Variants in SORCS1 observed in about 807,000 individuals in gnomAD.
The protein encoded by SORCS1 is VPS10 domain-containing receptor SorCS1.
Under a neutral mutation model 146.1 loss-of-function variants are expected in SORCS1, and 60 were observed. The observed-to-expected ratio is 0.41, with a 90% CI of 0.33 to 0.51. SORCS1 has a LOEUF of 0.51. SORCS1 is among the 20% of genes least tolerant of loss of function. The pLI, the probability that SORCS1 is intolerant of heterozygous loss-of-function variation, is 0.21. For missense variants in SORCS1, 1,352 were observed against 1,487.6 expected (o/e 0.91, Z 1.50); for synonymous variants, 637 against 584.0 (o/e 1.09, Z -1.31).
In SORCS1 at chr10:106,857,679, C is replaced by T. The variant is rs1315284310; in HGVS notation, c.627-28006G>A. ...GTTTGGAAAATGTTTGCGAGTGAGT[C>T]GACATTTAAATAACTTCATTATCAT... On this transcript the variant is annotated intron_variant, in intron 2 of 25. Coordinates refer to ENST00000263054, the MANE Select transcript of SORCS1 (RefSeq NM_052918.5). Among the ~76,000 whole-genome samples the T allele has an allele frequency of 2.0e-5, 3 of 152,206 alleles. No individual in the cohort carries two copies. The South Asian group carries it at 6.2e-4, about 32-fold the overall frequency.
chr10:107,091,602 G>C (rs1203438865), intron 1 of SORCS1, among the ~76,000 whole-genome samples: 3 of 152,014 alleles, frequency 2.0e-5, no homozygotes, highest in Non-Finnish European at 2.9e-5. Flanking sequence ...AAATTCCAGA[G>C]ACCGAGTTCA....
At chr10:107,152,303 T>C (rs190218175) in intron 1 of SORCS1, among the ~76,000 whole-genome samples, 36 of 152,318 alleles carry the variant, frequency 2.4e-4, no homozygotes, top group Non-Finnish European at 4.1e-4. Flanking sequence ...GGAGAACCTC[T>C]GCTAGGACAG....
chr10:107,120,770 CA>C (rs1966357087), intron 1 of SORCS1, among the ~76,000 whole-genome samples: 1 of 152,172 alleles, frequency 6.6e-6, no homozygotes. Context: ...ATGCGGAAAG[CA>C]GGCTATCCAC....
chr10:107,120,210 T>C (rs1259438510), intron 1 of SORCS1, among the ~76,000 whole-genome samples: 1 of 152,212 alleles, frequency 6.6e-6, no homozygotes, highest in Non-Finnish European at 1.5e-5. Flanking sequence ...AAGTATTGAA[T>C]GAATGTTAAC....
chr10:106,986,316 C>T lies in SORCS1; in HGVS notation c.559-29736G>A, dbSNP rs575770777. ...ACACGTGTAAAAAAATGATAAAAAT[C>T]CCCAAATTTGGTTTAAAAAACTTAC... is the stretch of plus-strand genomic sequence containing the variant. On this transcript the variant is annotated intron_variant, in intron 1 of 25. Transcript: ENST00000263054. Among the ~76,000 whole-genome samples the T allele has an allele frequency of 9.2e-5, 14 of 151,852 alleles. No homozygotes were observed. The South Asian group carries it at 2.5e-3, about 27-fold the overall frequency.
chr10:106,926,767 T>C (rs1361630597), intron 2 of SORCS1, among the ~76,000 whole-genome samples: 1 of 151,360 alleles, frequency 6.6e-6, no homozygotes, highest in African/African-American at 2.4e-5. Flanking sequence ...ATTAAGATGG[T>C]ACTAGATCAA....
chr10:106,909,032 C>G (rs1327206657), intron 2 of SORCS1, among the ~76,000 whole-genome samples: 1 of 152,210 alleles, frequency 6.6e-6, no homozygotes, highest in East Asian at 1.9e-4. Flanking sequence ...AAGGTCAGCT[C>G]TTTCTTGAGA....
intron 1 of SORCS1, among the ~76,000 whole-genome samples, chr10:107,024,254 C>A (rs1330632868): frequency 6.6e-6 from 1 of 151,658 alleles, no homozygotes; most frequent in Non-Finnish European, 1.5e-5. Context: ...ATGGCACCAG[C>A]ACCTTCTTCT....
chr10:106,792,630 A>C (rs1946370668), intron 3 of SORCS1, among the ~76,000 whole-genome samples: 1 of 152,232 alleles, frequency 6.6e-6, no homozygotes, highest in Admixed American at 6.5e-5. Context: ...TAACCATTAG[A>C]GCACATAATA....
intron 1 of SORCS1, among the ~76,000 whole-genome samples, chr10:107,081,336 G>A (rs571507445): frequency 1.3e-5 from 2 of 152,270 alleles, no homozygotes; most frequent in South Asian, 2.1e-4. Context: ...TTTCTTCACA[G>A]GGAATTTTCT....
At chr10:107,028,065 T>C (rs1170119676) in intron 1 of SORCS1, among the ~76,000 whole-genome samples, 1 of 152,266 alleles carries the variant, frequency 6.6e-6, no homozygotes, top group South Asian at 2.1e-4. Flanking sequence ...TTAAATTTGC[T>C]TCTCTTCTTG....
At chr10:106,580,146 C>G (rs900228209) in intron 24 of SORCS1, among the ~76,000 whole-genome samples, 1 of 152,106 alleles carries the variant, frequency 6.6e-6, no homozygotes, top group African/African-American at 2.4e-5. Context: ...AGTGATGGAG[C>G]ATGCTTGTAT....
chr10:107,012,004 T>G (rs1957715960), intron 1 of SORCS1, among the ~76,000 whole-genome samples: 1 of 152,224 alleles, frequency 6.6e-6, no homozygotes, highest in African/African-American at 2.4e-5. Flanking sequence ...TTTATCATTT[T>G]TTTAGTAATT....
chr10:107,127,477 C>T (rs990129650), intron 1 of SORCS1, among the ~76,000 whole-genome samples: 1 of 152,130 alleles, frequency 6.6e-6, no homozygotes, highest in Non-Finnish European at 1.5e-5. Flanking sequence ...AGTATTCTTG[C>T]ATCCTTTTTG....
intron 2 of SORCS1, among the ~76,000 whole-genome samples, chr10:106,874,503 C>A (rs7910315): frequency 0.084 from 12,860 of 152,248 alleles, 1,595 homozygotes; most frequent in African/African-American, 0.27. Flanking sequence ...TCTTCAAGAG[C>A]CTGCATTTTA....
chr10:106,632,810 G>A (rs1036276465), intron 18 of SORCS1, among the ~76,000 whole-genome samples: 13 of 152,188 alleles, frequency 8.5e-5, no homozygotes, highest in Admixed American at 7.2e-4. Context: ...CAGGACTGGA[G>A]AGCCGATCTG....
chr10:106,686,513 C>T lies in SORCS1; in HGVS notation c.1560+1679G>A, dbSNP rs150528173. ...GCATCTTTGGTTAAGCAGCACTACG[C>T]TCCAACTTGCTATAGCTGAACTAGG... On this transcript the variant is annotated intron_variant, in intron 10 of 25. Coordinates refer to ENST00000263054, the MANE Select transcript of SORCS1 (RefSeq NM_052918.5). Among the ~76,000 whole-genome samples, 543 of 152,294 alleles carry T rather than the reference C, an allele frequency of 3.6e-3. 2 individuals carry two copies. Among genetic ancestry groups the T allele is most frequent in the African/African-American group, 8.1e-3 (338 of 41,574 alleles).
At chr10:106,580,588 G>A (rs1844846365) in intron 24 of SORCS1, among the ~76,000 whole-genome samples, 1 of 152,158 alleles carries the variant, frequency 6.6e-6, no homozygotes, top group Admixed American at 6.5e-5. Flanking sequence ...CTTAAGCAAA[G>A]CCTGATACCC....
chr10:106,871,336 C>G (rs1950399972), intron 2 of SORCS1, among the ~76,000 whole-genome samples: 1 of 152,130 alleles, frequency 6.6e-6, no homozygotes, highest in Admixed American at 6.5e-5. Flanking sequence ...TTCCCTCATC[C>G]TCAAGGAGCT....
Sources: gnomAD v4.1 joint callset for allele counts (sites outside exome capture counted in the v4.1 genomes callset) on GRCh38, gnomAD v4.1.1 for gene constraint, MANE v1.5 for transcripts, NCBI Gene and HGNC (gene_info 2026-07-23, HGNC 2026-07-21) for gene names.